Variants in OTOA observed in about 807,000 individuals in gnomAD.
OTOA encodes the protein otoancorin, also known as cancer/testis antigen 108.
A neutral mutation model predicts 110.8 loss-of-function variants in OTOA; 70 were observed. The observed-to-expected ratio is 0.63, with a 90% CI of 0.52 to 0.77. OTOA has a LOEUF of 0.77. Ranked by LOEUF, OTOA falls within the 30% of genes least tolerant of loss-of-function variation. The pLI, the probability that OTOA is intolerant of heterozygous loss-of-function variation, is 0.00. For synonymous variants in OTOA, 373 were observed against 431.5 expected (o/e 0.86, Z 1.68); for missense variants, 917 against 1,075.8 (o/e 0.85, Z 2.06).
chr16:21,735,210 A>G, intron 21 of OTOA, among the ~76,000 whole-genome samples: 1 of 151,958 alleles, frequency 6.6e-6, no homozygotes, highest in South Asian at 2.1e-4. Flanking sequence ...TACAGGAAGC[A>G]TGATGCTGGC....
At chr16:21,668,459 C>CTTTTTT in intron 1 of OTOA, among the ~76,000 whole-genome samples, 1 of 122,070 alleles carries the variant, frequency 8.2e-6, no homozygotes, top group Non-Finnish European at 1.7e-5. Flanking sequence ...TTGTTTCTTT[C>CTTTTTT]TTTTTTTTTT....
chr16:21,717,070 G>T (rs371668838), intron 15 of OTOA, 23 bp downstream of exon 15: 1 of 1,613,416 alleles, frequency 6.2e-7, no homozygotes, highest in Admixed American at 1.7e-5. Context: ...AACACAGATC[G>T]ATCCTGTATT....
At chr16:21,671,708 C>A (rs890168323) in intron 1 of OTOA, among the ~76,000 whole-genome samples, 1 of 151,636 alleles carries the variant, frequency 6.6e-6, no homozygotes, top group Non-Finnish European at 1.5e-5. Flanking sequence ...ACAGTCCATG[C>A]TTTTCCATTT....
chr16:21,672,344 C>T (rs925938428), intron 1 of OTOA, among the ~76,000 whole-genome samples: 13 of 151,984 alleles, frequency 8.6e-5, no homozygotes, highest in Middle Eastern at 3.4e-3. Context: ...ACATATACGC[C>T]GGGCACGGTG....
rs543798361 is a variant in OTOA at position 21,701,367 on chromosome 16, G to A, written c.980+340G>A. Among the ~76,000 whole-genome samples, 7 of 152,256 alleles carry A rather than the reference G, an allele frequency of 4.6e-5. 1 individual carries two copies. The South Asian group carries it at 6.2e-4, about 14-fold the overall frequency. The stretch of plus-strand genomic sequence containing the variant: ...GTTCCAAAGTGAATGTGTGATTTCC[G>A]TTTAAGTTGAGTCAAGTGTTGGAAA... On this transcript the variant is annotated intron_variant, in intron 11 of 28. Coordinates refer to ENST00000646100, the MANE Select transcript of OTOA (RefSeq NM_144672.4).
chr16:21,725,492 C>T (rs541214595), intron 18 of OTOA, among the ~76,000 whole-genome samples: 8 of 152,006 alleles, frequency 5.3e-5, no homozygotes, highest in African/African-American at 9.7e-5. Context: ...TTCACCATGT[C>T]GCTCAGGCTG....
intron 14 of OTOA, among the ~76,000 whole-genome samples, chr16:21,716,539 C>G (rs541121558): frequency 6.6e-6 from 1 of 152,170 alleles, no homozygotes; most frequent in Admixed American, 6.5e-5. Context: ...CCACTGAATT[C>G]CAGCCTGGCG....
chr16:21,719,288 A>G (rs2141704384), intron 16 of OTOA, 97 bp downstream of exon 16: 1 of 1,562,238 alleles, frequency 6.4e-7, no homozygotes, highest in South Asian at 1.1e-5. Context: ...AGGCAGTCAC[A>G]TCTGTAGCTT....
chr16:21,722,831 C>G, intron 17 of OTOA, 74 bp from the exon 18 acceptor site: 1 of 1,333,934 alleles, frequency 7.5e-7, no homozygotes, highest in Admixed American at 1.7e-5. Context: ...TAGAATAGTA[C>G]CTGGCACATG....
chr16:21,708,579 G>A (rs4783340), intron 12 of OTOA, among the ~76,000 whole-genome samples: 11,357 of 152,138 alleles, frequency 0.075, 476 homozygotes, highest in Middle Eastern at 0.14. Context: ...CCACACTTTG[G>A]GAGCTGCCAC....
chr16:21,670,846 A>C lies in OTOA; in HGVS notation c.-5+6614A>C, dbSNP rs1449197564. Among the ~76,000 whole-genome samples, 3 of 152,280 alleles carry C rather than the reference A, an allele frequency of 2.0e-5. No individual in the cohort carries two copies. The East Asian group carries it at 5.8e-4, about 29-fold the overall frequency. ...CTTCATTGAAGACTTGAAATTTACA[A>C]TGAATTGATCTTAGCCGGGCAAAGA... On this transcript the variant is annotated intron_variant, in intron 1 of 28. Transcript: ENST00000646100.
intron 1 of OTOA, among the ~76,000 whole-genome samples, chr16:21,667,392 C>T (rs745503371): frequency 2.6e-5 from 4 of 152,126 alleles, no homozygotes; most frequent in Non-Finnish European, 2.9e-5. Flanking sequence ...CGGTGGCTCA[C>T]GCCTGTAATC....
rs764772897 is a variant in OTOA at position 21,705,284 on chromosome 16, G to A, written c.1096G>A (p.Val366Ile). The A allele has an allele frequency of 8.7e-6, 14 of 1,613,760 alleles. No homozygotes were observed. The highest frequency in any genetic ancestry group is 6.7e-5 in the East Asian group (3 of 44,888). The change falls in exon 12 of 29, where the codon GTC (valine) becomes ATC (isoleucine). Residue 366 changes from valine to isoleucine, a missense_variant. By Grantham distance (29) the Val-to-Ile change is conservative. This residue lies in a region of OTOA where 840 missense variants were observed against 910.2 expected (regional missense o/e 0.92). Transcript: ENST00000646100. ...CSHLRGFQAG[V>I]QKLKAELLDI... ...CCACCTGAGGGGCTTCCAGGCTGGC[G>A]TCCAGAAGGTACAGCTGGGGTGCAA...
At chr16:21,679,141 T>A in intron 4 of OTOA, 43 bp from the exon 5 acceptor site, 1 of 1,613,676 alleles carries the variant, frequency 6.2e-7, no homozygotes, top group Non-Finnish European at 8.5e-7. Flanking sequence ...CTCTCTGGAA[T>A]GATTCCTTTT....
chr16:21,688,699 C>A (rs539891313), intron 8 of OTOA, among the ~76,000 whole-genome samples: 50 of 152,166 alleles, frequency 3.3e-4, no homozygotes, highest in African/African-American at 1.2e-3. Context: ...AAGGGGTGGG[C>A]AAGCCCTCTG....
chr16:21,724,925 C>T lies in OTOA; in HGVS notation c.1881-1598C>T, dbSNP rs955738409. Among the ~76,000 whole-genome samples the T allele has an allele frequency of 7.2e-5, 11 of 151,848 alleles. No homozygotes were observed. In the South Asian group the frequency reaches 8.3e-4, roughly 11 times the overall value. ...CCCAGTAGCTGGGATTACAGGTGTG[C>T]GCCACCACGCCTGGCTAATTTTTGT... On this transcript the variant is annotated intron_variant, in intron 18 of 28. Transcript: ENST00000646100.
intron 8 of OTOA, 79 bp downstream of exon 8, chr16:21,687,727 G>A (rs1897748309): frequency 8.0e-7 from 1 of 1,257,030 alleles, no homozygotes; most frequent in Non-Finnish European, 1.1e-6. Flanking sequence ...GAGTGCAGTG[G>A]TGCAGTCTCG....
chr16:21,711,890 CT>C (rs1898369090), intron 13 of OTOA, among the ~76,000 whole-genome samples: 1 of 152,186 alleles, frequency 6.6e-6, no homozygotes, highest in South Asian at 2.1e-4. Flanking sequence ...TTATTTTTGG[CT>C]TCTGGATATT....
In OTOA at chr16:21,691,592, T is replaced by C; in HGVS notation, c.644T>C (p.Val215Ala). ...GTGTTTGTGTCATTTAGATCTGCAG[T>C]GTTCAAAGATCTCTACGACAAAACC... The part of the protein sequence containing the change: ...REDAFKNLSA[V>A]FKDLYDKTSA... Residue 215 changes from valine (V) to alanine (A), a missense_variant, in exon 9 of 29, where the codon GTG becomes GCG. Val to Ala is a moderately conservative substitution (Grantham distance 64). Transcript: ENST00000646100. 6.2e-7 allele frequency: 1 copy of C among 1,612,802 alleles called. No homozygotes were observed. Among genetic ancestry groups the C allele is most frequent in the South Asian group, 1.1e-5 (1 of 91,046 alleles).
Sources: allele counts gnomAD v4.1 joint callset (sites outside exome capture counted in the v4.1 genomes callset), GRCh38; gene constraint gnomAD v4.1.1; regional missense constraint gnomAD v4.1.1; transcripts MANE v1.5; gene names NCBI Gene and HGNC (gene_info 2026-07-23, HGNC 2026-07-21).